The following RBFOX3 variants were observed in gnomAD, a reference collection of about 807,000 sequenced individuals.
RBFOX3 encodes RNA binding fox-1 homolog 3.
In RBFOX3, 17 loss-of-function variants were observed where a neutral mutation model predicts 48.7. The observed-to-expected ratio is 0.35, with a 90% CI of 0.24 to 0.52. The LOEUF is 0.52. Among genes scored for constraint, RBFOX3 ranks in the 20% least tolerant of loss-of-function variants. The probability of loss-of-function intolerance (pLI) is 0.94; values close to 1 mark genes in which losing one functional copy is unlikely to be tolerated. For missense variants in RBFOX3, 382 were observed against 497.5 expected, an observed-to-expected ratio of 0.77 and a Z score of 2.21; for synonymous variants, 212 against 209.5, an observed-to-expected ratio of 1.01 and a Z score of -0.10.
rs577878572 is a variant in RBFOX3, at chr17:79,298,710, C to T, written c.-74+9014G>A. Among the ~76,000 whole-genome samples the T allele has an allele frequency of 1.3e-4, 20 of 152,274 alleles. No individual in the cohort carries two copies. In the East Asian group the frequency reaches 3.5e-3, roughly 27 times the overall value. ...CGAGGGTCATCTCGCCGGCAGGGCC[C>T]AGCTGGGGAAGCTGGGGGTCCTACC... On this transcript the variant is annotated intron_variant, in intron 3 of 14. Coordinates refer to ENST00000693108, the MANE Select transcript of RBFOX3 (RefSeq NM_001350451.2).
intron 6 of RBFOX3, among the ~76,000 whole-genome samples, chr17:79,105,837 G>C (rs900706350): frequency 2.0e-5 from 3 of 152,160 alleles, no homozygotes; most frequent in African/African-American, 7.2e-5. Context: ...CGGCCGGGCT[G>C]CGTGGTCCTC....
intron 1 of RBFOX3, among the ~76,000 whole-genome samples, chr17:79,505,730 T>C (rs1416424943): frequency 6.6e-6 from 1 of 152,230 alleles, no homozygotes; most frequent in Non-Finnish European, 1.5e-5. Context: ...GAGACAGTGC[T>C]GCACTGCTCT....
intron 1 of RBFOX3, among the ~76,000 whole-genome samples, chr17:79,604,400 T>C (rs2093780517): frequency 7.0e-6 from 1 of 143,432 alleles, no homozygotes; most frequent in Non-Finnish European, 1.5e-5. Flanking sequence ...TCCCAGGTGA[T>C]ACATTAAAAA....
rs1337867219 is a variant in RBFOX3, at chr17:79,610,922, C to A, written c.-416G>T. The stretch of plus-strand genomic sequence containing the variant: ...CGGGCAGCGGCGTCCTGGGGCCGCA[C>A]AGGCACCGGCGAGCCAGCGGCAAGG... On this transcript the variant is annotated 5_prime_UTR_variant, in exon 1 of 15. Coordinates refer to ENST00000693108, the MANE Select transcript of RBFOX3 (RefSeq NM_001350451.2). 6.6e-6 allele frequency among the ~76,000 whole-genome samples: 1 copy of A among 151,408 alleles called. No homozygotes were observed. The highest frequency in any genetic ancestry group is 1.5e-5 in the Non-Finnish European group (1 of 67,756).
chr17:79,192,314 G>T (rs9909891), intron 4 of RBFOX3, among the ~76,000 whole-genome samples: 1,819 of 152,080 alleles, frequency 0.012, 46 homozygotes, highest in African/African-American at 0.042. Context: ...GCATCAGGAT[G>T]GGGGGGAGCC....
chr17:79,279,696 G>A (rs189522568), intron 3 of RBFOX3, among the ~76,000 whole-genome samples: 142 of 152,330 alleles, frequency 9.3e-4, no homozygotes, highest in Non-Finnish European at 1.9e-3. Flanking sequence ...GCACTCCCAC[G>A]GCAGACAGCT....
chr17:79,456,247 C>T (rs2074470763), intron 2 of RBFOX3, among the ~76,000 whole-genome samples: 1 of 152,208 alleles, frequency 6.6e-6, no homozygotes, highest in Non-Finnish European at 1.5e-5. Flanking sequence ...CTTGCTCTGT[C>T]CTCTTCTCCT....
At chr17:79,120,500 T>C (rs1051095529) in intron 4 of RBFOX3, among the ~76,000 whole-genome samples, 1 of 150,136 alleles carries the variant, frequency 6.7e-6, no homozygotes, top group Non-Finnish European at 1.5e-5. Flanking sequence ...GGTGGATGGC[T>C]GAATGAATGA....
At position 79,214,081 on chromosome 17, in the gene RBFOX3, A is replaced by T. The variant is rs2058710567; in HGVS notation, c.-34+21685T>A. Among the ~76,000 whole-genome samples, 2 of 152,170 alleles carry T rather than the reference A, an allele frequency of 1.3e-5. No homozygotes were observed. The highest frequency in any genetic ancestry group is 4.8e-5 in the African/African-American group (2 of 41,446). On this transcript the variant is annotated intron_variant, in intron 4 of 14. Coordinates refer to ENST00000693108, the MANE Select transcript of RBFOX3 (RefSeq NM_001350451.2). The surrounding 1 kb of genome is among the most constrained non-coding windows in gnomAD (Gnocchi z 4.7). ...AGCCAACCCTCGCATGGCGCCGCCC[A>T]GCTCTGGTAGGAGGGACTGAAATAA...
intron 4 of RBFOX3, among the ~76,000 whole-genome samples, chr17:79,213,043 G>T (rs772987223): frequency 3.3e-5 from 5 of 152,038 alleles, no homozygotes; most frequent in Non-Finnish European, 7.4e-5. Context: ...TTTTAGTGGA[G>T]ACAGGGTTTC....
intron 1 of RBFOX3, among the ~76,000 whole-genome samples, chr17:79,523,134 G>T (rs940356761): frequency 2.6e-5 from 4 of 151,778 alleles, no homozygotes; most frequent in Non-Finnish European, 4.4e-5. Context: ...CTTGTGGTGG[G>T]GGGGCGGGTG....
chr17:79,177,399 C>T (rs547356177), intron 4 of RBFOX3, among the ~76,000 whole-genome samples: 8 of 152,334 alleles, frequency 5.3e-5, no homozygotes, highest in South Asian at 2.1e-4. Flanking sequence ...GCAGGTCTAG[C>T]GGGCAGCAGA....
chr17:79,184,168 T>C (rs1223304813), intron 4 of RBFOX3, among the ~76,000 whole-genome samples: 1 of 152,194 alleles, frequency 6.6e-6, no homozygotes, highest in East Asian at 1.9e-4. Context: ...CTTCTCTGGC[T>C]GCCCAGGGCT....
At chr17:79,444,518 T>C (rs1384735224) in intron 2 of RBFOX3, among the ~76,000 whole-genome samples, 1 of 152,082 alleles carries the variant, frequency 6.6e-6, no homozygotes, top group Admixed American at 6.5e-5. Context: ...CAAAGCCCTC[T>C]GTGCCTGACC....
At position 79,257,786 on chromosome 17, in the gene RBFOX3, G is replaced by A. The variant is rs149709032; in HGVS notation, c.-73-21981C>T. Among the ~76,000 whole-genome samples, 501 of 152,236 alleles carry A rather than the reference G, an allele frequency of 3.3e-3. 1 individual carries two copies. Among genetic ancestry groups the A allele is most frequent in the African/African-American group, 0.011 (448 of 41,550 alleles). ...AGTAGAGACGGGGTTTCACCATGTT[G>A]GTCAGGCTGGTCTTGAACTCCTGAG... On this transcript the variant is annotated intron_variant, in intron 3 of 14. Transcript: ENST00000693108.
intron 3 of RBFOX3, among the ~76,000 whole-genome samples, chr17:79,262,579 C>T (rs2065965881): frequency 6.6e-6 from 1 of 152,194 alleles, no homozygotes; most frequent in Non-Finnish European, 1.5e-5. Flanking sequence ...AATCCTATTC[C>T]AGTCTCAAGA....
chr17:79,201,986 A>C (rs1218053883), intron 4 of RBFOX3, among the ~76,000 whole-genome samples: 2 of 152,044 alleles, frequency 1.3e-5, no homozygotes, highest in Non-Finnish European at 2.9e-5. Flanking sequence ...TTACTGTCTC[A>C]TCCTCCTCCT....
At chr17:79,339,464 C>T (rs1199208878) in intron 2 of RBFOX3, among the ~76,000 whole-genome samples, 3 of 152,214 alleles carry the variant, frequency 2.0e-5, no homozygotes, top group African/African-American at 7.2e-5. Flanking sequence ...CACCCACGAG[C>T]TCAGTAGAAA....
intron 4 of RBFOX3, among the ~76,000 whole-genome samples, chr17:79,209,511 C>T (rs1042636374): frequency 1.3e-5 from 2 of 152,224 alleles, no homozygotes; most frequent in African/African-American, 4.8e-5. Flanking sequence ...CCTCTCATTC[C>T]CCATACTGGG....
Sources: allele counts gnomAD v4.1 joint callset (sites outside exome capture counted in the v4.1 genomes callset), GRCh38; gene constraint gnomAD v4.1.1; non-coding constraint Gnocchi (gnomAD v3.1); transcripts MANE v1.5; gene names NCBI Gene and HGNC (gene_info 2026-07-23, HGNC 2026-07-21).